The following HECW1 variants were observed in gnomAD, a reference collection of about 807,000 sequenced individuals.
HECW1 encodes the protein HECT, C2 and WW domain containing E3 ubiquitin protein ligase 1, also known as E3 ubiquitin-protein ligase HECW1.
Under a neutral mutation model 182.3 loss-of-function variants are expected in HECW1, and 61 were observed. The ratio of observed to expected loss-of-function variants is 0.33; its 90% CI spans 0.27 to 0.41. The LOEUF is 0.41. Among genes scored for constraint, HECW1 ranks in the 10% least tolerant of loss-of-function variants. The probability of loss-of-function intolerance (pLI) is 1.00; values close to 1 mark genes in which losing one functional copy is unlikely to be tolerated. For synonymous variants in HECW1, 859 were observed against 832.6 expected, an observed-to-expected ratio of 1.03 and a Z score of -0.55; for missense variants, 1,739 against 2,108.9, an observed-to-expected ratio of 0.82 and a Z score of 3.44.
Position 43,563,777 on chromosome 7 carries a change from G to C in HECW1, c.*1851G>C, listed in dbSNP as rs2082269512. The stretch of plus-strand genomic sequence containing the variant: ...CCAGCTACTTGGGAGGCTGAGGAAG[G>C]AGAATCGCTCAAACCTGAGAAGCAG... On this transcript the variant is annotated 3_prime_UTR_variant, in exon 30 of 30. Transcript: ENST00000395891. The C allele has an allele frequency of 5.6e-6, 1 of 177,034 alleles. No homozygotes were observed. Among genetic ancestry groups the C allele is most frequent in the Middle Eastern group, 2.2e-3 (1 of 456 alleles). The allele number at this position is 177,034 out of a possible 1,614,324, so 11.0% of individuals were successfully genotyped here.
intron 26 of HECW1, 46 bp from the exon 27 acceptor site, chr7:43,550,399 A>G (rs1175004936): frequency 1.2e-6 from 2 of 1,610,164 alleles, no homozygotes; most frequent in Admixed American, 1.7e-5. Context: ...TCCCTGAGAG[A>G]TAAGCAGAAC....
At chr7:43,485,906 T>C (rs2078614738) in intron 17 of HECW1, among the ~76,000 whole-genome samples, 1 of 152,142 alleles carries the variant, frequency 6.6e-6, no homozygotes, top group Admixed American at 6.5e-5. Flanking sequence ...ATGTTTACAA[T>C]GCGCAGGTTT....
intron 3 of HECW1, chr7:43,274,650 A>T: frequency 3.0e-6 from 1 of 333,354 alleles, no homozygotes; most frequent in Non-Finnish European, 5.8e-6. Context: ...GGAGGGAGAG[A>T]GAGAGAGAGA....
At chr7:43,418,999 T>C (rs1036237643) in intron 8 of HECW1, among the ~76,000 whole-genome samples, 1 of 152,202 alleles carries the variant, frequency 6.6e-6, no homozygotes, top group African/African-American at 2.4e-5. Flanking sequence ...AGATCTCAGT[T>C]CAGTTCTTTA....
At chr7:43,354,607 C>T (rs991197930) in intron 5 of HECW1, among the ~76,000 whole-genome samples, 8 of 151,784 alleles carry the variant, frequency 5.3e-5, no homozygotes, top group Non-Finnish European at 1.0e-4. Context: ...TGAAAATACG[C>T]AGAGGAGAAA....
chr7:43,228,185 T>A lies in HECW1; in HGVS notation c.-31-15690T>A, dbSNP rs547004119. ...CCAGGGAAAATATTTGCAACAAGTA[T>A]GTTAGACAAAATCTTGTAGGCCAGG... On this transcript the variant is annotated intron_variant, in intron 2 of 29. Transcript: ENST00000395891. 8.7e-4 allele frequency among the ~76,000 whole-genome samples: 133 copies of A among 152,248 alleles called. 2 individuals are homozygous for A. The Middle Eastern group carries it at 0.01, about 12-fold the overall frequency.
chr7:43,322,515 T>C (rs938604846), intron 5 of HECW1, among the ~76,000 whole-genome samples: 1 of 152,196 alleles, frequency 6.6e-6, no homozygotes, highest in African/African-American at 2.4e-5. Context: ...TCTGCTCAGC[T>C]GCCAAGCCCC....
intron 17 of HECW1, among the ~76,000 whole-genome samples, chr7:43,489,696 A>G (rs1320208594): frequency 1.3e-5 from 2 of 152,240 alleles, no homozygotes; most frequent in Non-Finnish European, 2.9e-5. Context: ...AGCAAAGACT[A>G]CCACACACAG....
At position 43,565,329 on chromosome 7, in the gene HECW1, A is replaced by C. The variant is rs1333487376; in HGVS notation, c.*3403A>C. 1.4e-5 allele frequency: 3 copies of C among 206,904 alleles called. No homozygotes were observed. The Admixed American group carries it at 1.8e-4, about 12-fold the overall frequency. 12.8% of individuals were successfully genotyped at this position (206,904 alleles called of 1,614,324 possible). A position where few individuals can be genotyped will look rare whatever the true frequency, so the allele number is the denominator to read the frequency against. On this transcript the variant is annotated 3_prime_UTR_variant, in exon 30 of 30. Transcript: ENST00000395891. ...CATGCAAGATCTAAATTTTCTTTTAATACATGACCATATGTCCTTGAACAG... is the reference window on the plus strand; with the variant it reads ...CATGCAAGATCTAAATTTTCTTTTACTACATGACCATATGTCCTTGAACAG...
chr7:43,350,800 G>A (rs372029993), intron 5 of HECW1, among the ~76,000 whole-genome samples: 3 of 152,094 alleles, frequency 2.0e-5, no homozygotes, highest in African/African-American at 7.2e-5. Context: ...CCTTGCATTG[G>A]GCTTCGCCCT....
chr7:43,374,773 C>CAAAAAAAAAAAAA (rs66910107), intron 6 of HECW1, among the ~76,000 whole-genome samples: 1 of 14,496 alleles, frequency 6.9e-5, no homozygotes, highest in Non-Finnish European at 9.1e-5. Flanking sequence ...GACTCCGTCT[C>CAAAAAAAAAAAAA]AAAAAAAAAA....
At chr7:43,301,113 C>T (rs973266746) in intron 3 of HECW1, among the ~76,000 whole-genome samples, 18 of 152,108 alleles carry the variant, frequency 1.2e-4, no homozygotes, top group African/African-American at 4.3e-4. Flanking sequence ...CCGTGGCCCC[C>T]CACTCTCCAA....
intron 10 of HECW1, 134 bp downstream of exon 10, chr7:43,442,763 C>A: frequency 1.5e-6 from 1 of 655,182 alleles, no homozygotes; most frequent in South Asian, 1.8e-5. Flanking sequence ...ATTTGAGGTC[C>A]AGAAGCCAGT....
At chr7:43,410,506 GAC>G (rs143687162) in intron 8 of HECW1, among the ~76,000 whole-genome samples, 37 of 151,352 alleles carry the variant, frequency 2.4e-4, no homozygotes, top group African/African-American at 9.0e-4. Flanking sequence ...GGTGGAAGGA[GAC>G]ACACACACAC....
At chr7:43,137,790 T>A (rs192567782) in intron 2 of HECW1, among the ~76,000 whole-genome samples, 6 of 152,310 alleles carry the variant, frequency 3.9e-5, no homozygotes, top group Admixed American at 3.9e-4. Flanking sequence ...GCTCAAGTGA[T>A]CTGCCTGCTT....
chr7:43,507,083 A>G, intron 21 of HECW1, 54 bp from the exon 22 acceptor site: 1 of 1,532,176 alleles, frequency 6.5e-7, no homozygotes, highest in Non-Finnish European at 8.8e-7. Flanking sequence ...AAAGAAAAAA[A>G]GAAGAAGAAG....
At chr7:43,114,609 A>G (rs1784897927) in intron 2 of HECW1, among the ~76,000 whole-genome samples, 1 of 152,196 alleles carries the variant, frequency 6.6e-6, no homozygotes, top group Non-Finnish European at 1.5e-5. Flanking sequence ...CACTATTTTA[A>G]TTCCTAGACC....
intron 24 of HECW1, among the ~76,000 whole-genome samples, chr7:43,525,673 C>T (rs1177352033): frequency 6.6e-6 from 1 of 152,206 alleles, no homozygotes. Context: ...TCAGTGATCT[C>T]AGGATCGGAG....
intron 2 of HECW1, among the ~76,000 whole-genome samples, chr7:43,146,663 A>C (rs951035507): frequency 6.6e-6 from 1 of 152,190 alleles, no homozygotes; most frequent in African/African-American, 2.4e-5. Context: ...CTGAAGTATC[A>C]TGTCTTTAAA....
Sources: allele counts gnomAD v4.1 joint callset (sites outside exome capture counted in the v4.1 genomes callset), GRCh38; gene constraint gnomAD v4.1.1; transcripts MANE v1.5; gene names NCBI Gene and HGNC (gene_info 2026-07-23, HGNC 2026-07-21).